The following TNS3 variants were observed in gnomAD, a reference collection of about 807,000 sequenced individuals.
The protein encoded by TNS3 is tensin 3.
A neutral mutation model predicts 140.9 loss-of-function variants in TNS3; 45 were observed. That is an observed-to-expected ratio of 0.32 (90% confidence interval 0.25 to 0.41). The LOEUF (loss-of-function observed/expected upper bound fraction) is 0.41. Ranked by LOEUF, TNS3 falls within the 10% of genes least tolerant of loss-of-function variation. The probability of loss-of-function intolerance (pLI) is 1.00; values close to 1 mark genes in which losing one functional copy is unlikely to be tolerated. For missense variants in TNS3, 1,716 were observed against 1,906.7 expected, an observed-to-expected ratio of 0.90 and a Z score of 1.86; for synonymous variants, 815 against 788.4, an observed-to-expected ratio of 1.03 and a Z score of -0.56.
chr7:47,433,967 A>G (rs1795050752), intron 8 of TNS3, among the ~76,000 whole-genome samples: 1 of 152,086 alleles, frequency 6.6e-6, no homozygotes, highest in African/African-American at 2.4e-5. Flanking sequence ...CCATAATCTA[A>G]AATAATACTT....
chr7:47,511,630 T>A (rs1798610628), intron 2 of TNS3, among the ~76,000 whole-genome samples: 1 of 151,800 alleles, frequency 6.6e-6, no homozygotes, highest in East Asian at 1.9e-4. Flanking sequence ...CCGTTCATTC[T>A]CCTTGCCTGA....
At chr7:47,549,715 G>A (rs979295841) in intron 1 of TNS3, among the ~76,000 whole-genome samples, 1 of 152,048 alleles carries the variant, frequency 6.6e-6, no homozygotes, top group African/African-American at 2.4e-5. Flanking sequence ...CAGTCATCGG[G>A]TATGAAAAAC....
At chr7:47,486,111 T>C (rs1797605589) in intron 3 of TNS3, among the ~76,000 whole-genome samples, 1 of 151,978 alleles carries the variant, frequency 6.6e-6, no homozygotes, top group Non-Finnish European at 1.5e-5. Context: ...TGTGTTTGAC[T>C]AGGTATATTT....
At chr7:47,397,677 G>A (rs59893503) in intron 15 of TNS3, among the ~76,000 whole-genome samples, 3,945 of 152,288 alleles carry the variant, frequency 0.026, 64 homozygotes, top group South Asian at 0.039. Context: ...CTGGGATACA[G>A]CAAAGCAAGT....
intron 16 of TNS3, among the ~76,000 whole-genome samples, chr7:47,392,569 C>A (rs1251375502): frequency 6.6e-6 from 1 of 152,222 alleles, no homozygotes; most frequent in Non-Finnish European, 1.5e-5. Flanking sequence ...TCAGAGGCTG[C>A]CAAACCTTCC....
In TNS3 at chr7:47,521,438, C is replaced by T. The variant is rs372667452; in HGVS notation, c.-153+7598G>A. On this transcript the variant is annotated intron_variant, in intron 2 of 30. Coordinates refer to ENST00000311160, the MANE Select transcript of TNS3 (RefSeq NM_022748.12). ...GACAAGACAGCACTCCACTTTGGGA[C>T]GGAGGTGTCTGCCCTGTGCACAGGC... Among the ~76,000 whole-genome samples, 10 of 152,296 alleles carry T rather than the reference C, an allele frequency of 6.6e-5. No homozygotes were observed. In the East Asian group the frequency reaches 1.9e-3, roughly 29 times the overall value.
At chr7:47,472,021 G>C (rs1796975718) in intron 4 of TNS3, among the ~76,000 whole-genome samples, 3 of 152,222 alleles carry the variant, frequency 2.0e-5, no homozygotes, top group Non-Finnish European at 4.4e-5. Flanking sequence ...GAGAGCCCCA[G>C]GGAGGATCTG....
At position 47,331,978 on chromosome 7, in the gene TNS3, G is replaced by A. The variant is rs567105467; in HGVS notation, c.2650+12777C>T. Among the ~76,000 whole-genome samples, 58 of 152,298 alleles carry A rather than the reference G, an allele frequency of 3.8e-4. 1 individual carries two copies. The highest frequency in any genetic ancestry group is 1.3e-3 in the African/African-American group (56 of 41,566). On this transcript the variant is annotated intron_variant, in intron 20 of 30. Coordinates refer to ENST00000311160, the MANE Select transcript of TNS3 (RefSeq NM_022748.12). ...TCAAAGGCTCTGATGGGGCAGGCCC[G>A]GGCCAGTAACAAATGTCAAGAAGCA...
intron 8 of TNS3, among the ~76,000 whole-genome samples, chr7:47,431,360 C>T (rs1032908407): frequency 1.5e-4 from 23 of 151,980 alleles, no homozygotes; most frequent in Admixed American, 1.3e-4. Flanking sequence ...TTTGGGAGGC[C>T]GAGGTGGGTG....
Position 47,312,202 on chromosome 7 carries a change from A to G in TNS3, c.2651-7199T>C, listed in dbSNP as rs192290812. Among the ~76,000 whole-genome samples the G allele has an allele frequency of 2.2e-3, 328 of 152,292 alleles. No homozygotes were observed. The South Asian group carries it at 0.024, about 11-fold the overall frequency. ...TCCATAGAGCAGATGCAGTTGTGTGACTGACCGCCCCTCCTCCCAGTATGG... is the reference window on the plus strand; with the variant it reads ...TCCATAGAGCAGATGCAGTTGTGTGGCTGACCGCCCCTCCTCCCAGTATGG... On this transcript the variant is annotated intron_variant, in intron 20 of 30. Transcript: ENST00000311160.
chr7:47,491,212 G>C (rs1193443487), intron 3 of TNS3, among the ~76,000 whole-genome samples: 5 of 152,210 alleles, frequency 3.3e-5, no homozygotes, highest in Non-Finnish European at 7.3e-5. Context: ...TGCACGGTAT[G>C]TGGTGTTCTT....
rs1281114966 is a variant in TNS3, at chr7:47,368,596, T to C, written c.2050A>G (p.Thr684Ala). The change falls in exon 17 of 31, where the codon ACA (threonine) becomes GCA (alanine). Residue 684 changes from threonine (T) to alanine (A), a missense_variant. Thr to Ala is a moderately conservative substitution (Grantham distance 58). Coordinates refer to ENST00000311160, the MANE Select transcript of TNS3 (RefSeq NM_022748.12). ...GTGGGCGAGCCTGGGGAGGGGCCTG[T>C]GCTCAGCTCTGGGCCGGCTCCATTC... Reference protein sequence around the residue: ...VVNGAGPELSTGPSPGSPTLD... With the variant: ...VVNGAGPELSAGPSPGSPTLD... The C allele has an allele frequency of 2.5e-6, 4 of 1,579,902 alleles. No homozygotes were observed. The highest frequency in any genetic ancestry group is 1.7e-4 in the Middle Eastern group (1 of 5,894).
intron 20 of TNS3, among the ~76,000 whole-genome samples, chr7:47,332,991 C>A (rs577913213): frequency 6.6e-6 from 1 of 152,208 alleles, no homozygotes; most frequent in Non-Finnish European, 1.5e-5. Flanking sequence ...TTCCTCTAAA[C>A]CCAAAGTGAG....
At chr7:47,453,098 G>A (rs1796093819) in intron 4 of TNS3, 2 of 985,646 alleles carry the variant, frequency 2.0e-6, no homozygotes, top group East Asian at 1.1e-4. Context: ...AGCCCACCAG[G>A]TGGGAGAGCC....
chr7:47,362,092 C>T (rs748473973), intron 17 of TNS3, among the ~76,000 whole-genome samples: 6 of 152,126 alleles, frequency 3.9e-5, no homozygotes, highest in Non-Finnish European at 7.3e-5. Flanking sequence ...CAGAGTGGGG[C>T]GGGGACAATG....
chr7:47,487,447 T>G (rs1381551728), intron 3 of TNS3, among the ~76,000 whole-genome samples: 1 of 152,098 alleles, frequency 6.6e-6, no homozygotes, highest in Non-Finnish European at 1.5e-5. Flanking sequence ...GTGAAGTCTC[T>G]ACTCTACTCT....
intron 27 of TNS3, among the ~76,000 whole-genome samples, chr7:47,288,583 C>G (rs1785538312): frequency 6.6e-6 from 1 of 152,174 alleles, no homozygotes; most frequent in Non-Finnish European, 1.5e-5. Flanking sequence ...TCCTTCTGGG[C>G]ACTTCACTGG....
chr7:47,492,292 C>A (rs1584765518), intron 3 of TNS3, among the ~76,000 whole-genome samples: 1 of 152,252 alleles, frequency 6.6e-6, no homozygotes, highest in East Asian at 1.9e-4. Flanking sequence ...GGGTTTGGAG[C>A]CCATGTGCCT....
At chr7:47,393,610 C>T (rs1792658757) in intron 16 of TNS3, among the ~76,000 whole-genome samples, 1 of 152,156 alleles carries the variant, frequency 6.6e-6, no homozygotes, top group African/African-American at 2.4e-5. Flanking sequence ...ATCATCGAGG[C>T]TGCAAGGGAT....
Sources: gnomAD v4.1 joint callset for allele counts (sites outside exome capture counted in the v4.1 genomes callset) on GRCh38, gnomAD v4.1.1 for gene constraint, MANE v1.5 for transcripts, NCBI Gene and HGNC (gene_info 2026-07-23, HGNC 2026-07-21) for gene names.